The following SGSM1 variants were observed in gnomAD, a reference collection of about 807,000 sequenced individuals.
SGSM1 encodes small G protein signaling modulator 1.
A neutral mutation model predicts 133.8 loss-of-function variants in SGSM1; 73 were observed. That is an observed-to-expected ratio of 0.55 (90% CI 0.45 to 0.66). The LOEUF is 0.66. Among genes scored for constraint, SGSM1 ranks in the 30% least tolerant of loss-of-function variants. The pLI, the probability that SGSM1 is intolerant of heterozygous loss-of-function variation, is 0.00. For missense variants in SGSM1, 1,213 were observed against 1,448.1 expected, an observed-to-expected ratio of 0.84 and a Z score of 2.64; for synonymous variants, 563 against 573.0, an observed-to-expected ratio of 0.98 and a Z score of 0.25.
intron 22 of SGSM1, among the ~76,000 whole-genome samples, chr22:24,915,282 G>C (rs1440918151): frequency 1.3e-5 from 2 of 151,720 alleles, no homozygotes; most frequent in East Asian, 1.9e-4. Flanking sequence ...TGAAATTCTT[G>C]TGTGCATCCC....
At chr22:24,875,417 G>A (rs1931980144) in intron 12 of SGSM1, among the ~76,000 whole-genome samples, 1 of 151,958 alleles carries the variant, frequency 6.6e-6, no homozygotes, top group Non-Finnish European at 1.5e-5. Flanking sequence ...TTTGTTTATG[G>A]TTACTTTTGC....
chr22:24,886,316 A>C (rs1407622734), intron 15 of SGSM1, among the ~76,000 whole-genome samples: 1 of 151,878 alleles, frequency 6.6e-6, no homozygotes, highest in Admixed American at 6.6e-5. Context: ...CAGGAGAATC[A>C]CTTGAAACTG....
intron 2 of SGSM1, among the ~76,000 whole-genome samples, chr22:24,829,092 A>T (rs964533395): frequency 1.3e-5 from 2 of 152,026 alleles, no homozygotes; most frequent in Admixed American, 1.3e-4. Context: ...GCTACTCGGG[A>T]GGCTGAGGCA....
At chr22:24,882,948 A>C (rs1254705909) in intron 14 of SGSM1, among the ~76,000 whole-genome samples, 2 of 149,462 alleles carry the variant, frequency 1.3e-5, no homozygotes, top group African/African-American at 5.0e-5. Flanking sequence ...CCCAGGCTGG[A>C]GTGCAGTGGC....
In SGSM1 at chr22:24,855,011, G is replaced by A; in HGVS notation, c.471G>A (p.Lys157=). ...CTCTTGCTAGTAAATACTATGAGAA[G>A]GAAGCTCTCCTGATGGACCCTGTGG... The part of the protein sequence containing the change: ...LVENSSKYYE[K]EALLMDPVDG... Residue 157 remains lysine (K), a synonymous_variant, in exon 6 of 25, where the codon AAG becomes AAA. Transcript: ENST00000400358. The A allele has an allele frequency of 6.2e-7, 1 of 1,613,452 alleles. No individual in the cohort carries two copies. Among genetic ancestry groups the A allele is most frequent in the Non-Finnish European group, 8.5e-7 (1 of 1,179,784 alleles).
intron 4 of SGSM1, among the ~76,000 whole-genome samples, chr22:24,849,592 C>G (rs1385081893): frequency 6.6e-6 from 1 of 152,184 alleles, no homozygotes; most frequent in Non-Finnish European, 1.5e-5. Context: ...ATTTCATATC[C>G]TCAAGATCAA....
intron 2 of SGSM1, among the ~76,000 whole-genome samples, chr22:24,819,385 A>G (rs1928335541): frequency 1.3e-5 from 2 of 152,224 alleles, no homozygotes; most frequent in South Asian, 4.1e-4. Context: ...CAGCACGGGT[A>G]TAGAGCATTT....
chr22:24,863,623 G>A (rs1346211347), intron 9 of SGSM1, among the ~76,000 whole-genome samples: 1 of 152,192 alleles, frequency 6.6e-6, no homozygotes, highest in Non-Finnish European at 1.5e-5. Context: ...AGAAATGTGG[G>A]GGTTGGTGTG....
chr22:24,897,903 A>G, intron 18 of SGSM1, 69 bp from the exon 19 acceptor site: 3 of 1,339,442 alleles, frequency 2.2e-6, no homozygotes, highest in South Asian at 2.8e-5. Flanking sequence ...TTGGATGTTT[A>G]GGTTGCTGAT....
At chr22:24,822,086 C>CT (rs1474182685) in intron 2 of SGSM1, among the ~76,000 whole-genome samples, 47 of 100,126 alleles carry the variant, frequency 4.7e-4, no homozygotes, top group Admixed American at 1.3e-3. Context: ...GTTCATCTCT[C>CT]TCTTTTTTTT....
chr22:24,810,742 C>T (rs774425292), intron 2 of SGSM1, among the ~76,000 whole-genome samples: 13 of 152,034 alleles, frequency 8.6e-5, no homozygotes, highest in Admixed American at 6.6e-4. Context: ...TTTAGCTCTG[C>T]GACCGGAGCT....
intron 21 of SGSM1, among the ~76,000 whole-genome samples, chr22:24,908,562 G>C (rs1933494941): frequency 6.6e-6 from 1 of 152,148 alleles, no homozygotes. Flanking sequence ...CAGCACTTTG[G>C]GAGGCCGAGG....
At chr22:24,913,762 G>A (rs547921085) in intron 22 of SGSM1, among the ~76,000 whole-genome samples, 8 of 152,220 alleles carry the variant, frequency 5.3e-5, no homozygotes, top group African/African-American at 1.7e-4. Context: ...GTTCATGCCA[G>A]TAATCCCAGC....
intron 4 of SGSM1, among the ~76,000 whole-genome samples, chr22:24,849,172 G>A (rs1007454132): frequency 6.6e-6 from 1 of 151,874 alleles, no homozygotes; most frequent in Non-Finnish European, 1.5e-5. Flanking sequence ...GTCAGCCAGT[G>A]TGCTGGGCCC....
chr22:24,879,632 C>G (rs1195371727), intron 14 of SGSM1, 106 bp downstream of exon 14: 1 of 1,049,890 alleles, frequency 9.5e-7, no homozygotes, highest in Non-Finnish European at 1.4e-6. Context: ...TGAACCTCTC[C>G]TCCTCTATTC....
chr22:24,841,010 C>A (rs1296174528), intron 2 of SGSM1, among the ~76,000 whole-genome samples: 1 of 151,866 alleles, frequency 6.6e-6, no homozygotes. Flanking sequence ...ACCACCACGC[C>A]CGGCTAATTT....
Position 24,837,583 on chromosome 22 carries a change from C to CG in SGSM1, c.64-7314_64-7313insG, listed in dbSNP as rs1929516434. Among the ~76,000 whole-genome samples, 7 of 69,618 alleles carry CG rather than the reference C, an allele frequency of 1.0e-4. 1 individual carries two copies. The highest frequency in any genetic ancestry group is 4.4e-4 in the African/African-American group (5 of 11,402). The allele number at this position is 69,618 out of a possible 152,430, so 45.7% of individuals were successfully genotyped here. On this transcript the variant is annotated intron_variant, in intron 2 of 24. Coordinates refer to ENST00000400358, the MANE Select transcript of SGSM1 (RefSeq NM_001098497.3). ...ACTCCCCCGGGGAAAGGGAGACCCC[C>CG]CCCCCCCCTTTCCCAGTCTGCTAAG...
At chr22:24,920,988 C>A (rs1465315817) in intron 24 of SGSM1, among the ~76,000 whole-genome samples, 22 of 152,054 alleles carry the variant, frequency 1.4e-4, no homozygotes, top group Non-Finnish European at 3.1e-4. Context: ...TTTTTCTGTT[C>A]TAGGGTCTAA....
chr22:24,848,974 C>A (rs1349238202), intron 4 of SGSM1, among the ~76,000 whole-genome samples: 1 of 152,222 alleles, frequency 6.6e-6, no homozygotes, highest in South Asian at 2.1e-4. Flanking sequence ...CCTTCCAGTC[C>A]ATCTGCTAAG....
Sources: allele counts gnomAD v4.1 joint callset (sites outside exome capture counted in the v4.1 genomes callset), GRCh38; gene constraint gnomAD v4.1.1; transcripts MANE v1.5; gene names NCBI Gene and HGNC (gene_info 2026-07-23, HGNC 2026-07-21).